The following LIN54 variants were observed in gnomAD, a reference collection of about 807,000 sequenced individuals.
LIN54 encodes the protein protein lin-54 homolog.
Under a neutral mutation model 78.7 loss-of-function variants are expected in LIN54, and 9 were observed. That is an observed-to-expected ratio of 0.11 (90% CI 0.07 to 0.20). The LOEUF is 0.20. Among genes scored for constraint, LIN54 ranks in the 10% least tolerant of loss-of-function variants. The pLI is 1.00. For missense variants in LIN54, 573 were observed against 889.9 expected, an observed-to-expected ratio of 0.64 and a Z score of 4.53; for synonymous variants, 269 against 318.4, an observed-to-expected ratio of 0.84 and a Z score of 1.65.
Position 82,945,051 on chromosome 4 carries a change from G to A in LIN54, c.1168+1207C>T, listed in dbSNP as rs540754955. Among the ~76,000 whole-genome samples, 7 of 152,128 alleles carry A rather than the reference G, an allele frequency of 4.6e-5. No homozygotes were observed. The East Asian group carries it at 1.4e-3, about 29-fold the overall frequency. ...TAATTTTTGTATTTTTAGTAGAGAC[G>A]GGGTTTCGCCATGTTGGCCAGACTG... is the stretch of plus-strand genomic sequence containing the variant. On this transcript the variant is annotated intron_variant, in intron 5 of 12. Coordinates refer to ENST00000340417, the MANE Select transcript of LIN54 (RefSeq NM_194282.4).
chr4:82,952,810 G>A (rs966286338), intron 4 of LIN54, among the ~76,000 whole-genome samples: 1 of 152,168 alleles, frequency 6.6e-6, no homozygotes, highest in African/African-American at 2.4e-5. Flanking sequence ...TGATGTATAT[G>A]CTATAACACC....
intron 4 of LIN54, among the ~76,000 whole-genome samples, chr4:82,954,510 C>G (rs1382769236): frequency 6.6e-6 from 1 of 151,954 alleles, no homozygotes; most frequent in Non-Finnish European, 1.5e-5. Flanking sequence ...CTCTGCCTCC[C>G]CAGTTCAGGT....
Position 82,928,649 on chromosome 4 carries a change from T to A in LIN54, c.2049-346A>T, listed in dbSNP as rs549535558. 2.3e-4 allele frequency among the ~76,000 whole-genome samples: 35 copies of A among 152,358 alleles called. 1 individual carries two copies. In the South Asian group the frequency reaches 6.8e-3, roughly 30 times the overall value. On this transcript the variant is annotated intron_variant, in intron 12 of 12. Coordinates refer to ENST00000340417, the MANE Select transcript of LIN54 (RefSeq NM_194282.4). ...AATCATGAATGTACGCTCTGTAAGTTCAATTCTTATTTACTGCTGTTGCTC... is the reference window on the plus strand; with the variant it reads ...AATCATGAATGTACGCTCTGTAAGTACAATTCTTATTTACTGCTGTTGCTC...
At chr4:83,012,517 C>T (rs1472280279), upstream of LIN54, among the ~76,000 whole-genome samples, 1 of 152,116 alleles carries the variant, frequency 6.6e-6, no homozygotes, top group Non-Finnish European at 1.5e-5. Context: ...AGGCGGCTGG[C>T]CGAGCGCTGG....
intron 4 of LIN54, among the ~76,000 whole-genome samples, chr4:82,955,710 A>G (rs1360354078): frequency 1.3e-5 from 2 of 151,386 alleles, no homozygotes; most frequent in African/African-American, 4.9e-5. Flanking sequence ...GCTTGAACTC[A>G]GGAGTTCAAG....
At chr4:82,961,241 A>C (rs1724766887) in intron 4 of LIN54, among the ~76,000 whole-genome samples, 1 of 152,212 alleles carries the variant, frequency 6.6e-6, no homozygotes, top group African/African-American at 2.4e-5. Context: ...GGATAGACAT[A>C]TATGATAATG....
intron 1 of LIN54, among the ~76,000 whole-genome samples, chr4:83,003,170 C>G (rs1330149499): frequency 6.6e-6 from 1 of 152,092 alleles, no homozygotes; most frequent in African/African-American, 2.4e-5. Flanking sequence ...TGTGCCACCA[C>G]GCTTGGCTTA....
At position 82,925,212 on chromosome 4, in the gene LIN54, A is replaced by G. The variant is rs1449154058; in HGVS notation, c.*2890T>C. The G allele has an allele frequency of 6.6e-6, 1 of 152,444 alleles. No individual in the cohort carries two copies. The highest frequency in any genetic ancestry group is 1.5e-5 in the Non-Finnish European group (1 of 68,002). The allele number at this position is 152,444 out of a possible 1,614,324, so 9.4% of individuals were successfully genotyped here. On this transcript the variant is annotated 3_prime_UTR_variant, in exon 13 of 13. Coordinates refer to ENST00000340417, the MANE Select transcript of LIN54 (RefSeq NM_194282.4). ...AAAAGACAGAGTAGATTGATTTTCT[A>G]GGTATTTTTGTTTTTGAGACAAGGT...
rs762881805 is a variant in LIN54, at chr4:82,939,622, G to A, written c.1357C>T (p.Leu453=). ...GGTGCCAGGACAGTGCCTGGTGGCA[G>A]GTTAGTGAGGTTGGGCTGGATCTGT... ...LPQIQPNLTN[L]PPGTVLAPAP... Residue 453 remains leucine, a synonymous_variant, in exon 7 of 13, where the codon CTG becomes TTG. Coordinates refer to ENST00000340417, the MANE Select transcript of LIN54 (RefSeq NM_194282.4). 7 of 1,614,108 alleles carry A rather than the reference G, an allele frequency of 4.3e-6. No individual in the cohort carries two copies. The East Asian group carries it at 1.3e-4, about 31-fold the overall frequency.
intron 1 of LIN54, among the ~76,000 whole-genome samples, chr4:83,001,893 A>G (rs1304601193): frequency 9.1e-3 from 10 of 1,096 alleles, no homozygotes; most frequent in Admixed American, 0.019. Flanking sequence ...GAAGGAAGGA[A>G]GGAGGGAGGG....
intron 9 of LIN54, 98 bp from the exon 10 acceptor site, chr4:82,936,479 A>G (rs1560719772): frequency 1.7e-6 from 1 of 600,744 alleles, no homozygotes; most frequent in Non-Finnish European, 2.9e-6. Flanking sequence ...CACATACTAC[A>G]TATGTGGTAA....
At chr4:83,000,789 CAAAGCCATG>C (rs1323041979) in intron 1 of LIN54, among the ~76,000 whole-genome samples, 2 of 148,834 alleles carry the variant, frequency 1.3e-5, no homozygotes, top group African/African-American at 5.0e-5. Context: ...TTGTTATAGA[CAAAGCCATG>C]AAAGCCATCA....
chr4:82,978,897 G>A lies in LIN54; in HGVS notation c.794C>T (p.Pro265Leu). ...AGAAATATAACCTGCAATAACTGGT[G>A]GTGAAACTTGAGTTGTCTGTCCTGT... ...AVTGQTTQVSPPVIAGRVLSQ... is the reference protein window; with the variant it reads ...AVTGQTTQVSLPVIAGRVLSQ... Residue 265 changes from proline (P) to leucine (L), a missense_variant, in exon 3 of 13, where the codon CCA becomes CTA. Transcript: ENST00000340417. The A allele has an allele frequency of 3.2e-6, 5 of 1,549,904 alleles. No individual in the cohort carries two copies. The highest frequency in any genetic ancestry group is 4.4e-6 in the Non-Finnish European group (5 of 1,128,320).
Position 82,924,757 on chromosome 4 carries a change from T to C in LIN54, c.*3345A>G, listed in dbSNP as rs1012500298. On this transcript the variant is annotated 3_prime_UTR_variant, in exon 13 of 13. Transcript: ENST00000340417. Reference sequence around the variant, plus strand: ...CTAACAAGAAAAGCCTGAAGTAATTTACATGATGAAAATAACTCCAATAGA... The same window carrying C: ...CTAACAAGAAAAGCCTGAAGTAATTCACATGATGAAAATAACTCCAATAGA... The C allele has an allele frequency of 1.3e-5, 2 of 152,222 alleles. No individual in the cohort carries two copies. The highest frequency in any genetic ancestry group is 4.8e-5 in the African/African-American group (2 of 41,448). The allele number at this position is 152,222 out of a possible 1,614,324, so 9.4% of individuals were successfully genotyped here.
At chr4:82,979,765 C>A (rs1244485282) in intron 2 of LIN54, among the ~76,000 whole-genome samples, 1 of 151,676 alleles carries the variant, frequency 6.6e-6, no homozygotes, top group Non-Finnish European at 1.5e-5. Flanking sequence ...TGGTGAAACC[C>A]TGTCTCTACA....
chr4:82,977,212 C>T (rs1213921514), intron 3 of LIN54, among the ~76,000 whole-genome samples: 1 of 152,118 alleles, frequency 6.6e-6, no homozygotes, highest in African/African-American at 2.4e-5. Flanking sequence ...CAGTAAAGAA[C>T]ATCCCATTAA....
At chr4:83,009,150 T>G (rs1483828755) in intron 1 of LIN54, among the ~76,000 whole-genome samples, 1 of 152,186 alleles carries the variant, frequency 6.6e-6, no homozygotes, top group East Asian at 1.9e-4. Flanking sequence ...CTTATTCTTC[T>G]AGTAAGTGAA....
upstream of LIN54, among the ~76,000 whole-genome samples, chr4:83,011,286 A>G (rs576249430): frequency 7.9e-4 from 121 of 152,284 alleles, no homozygotes; most frequent in African/African-American, 2.8e-3. Context: ...TGCATGTTCG[A>G]CCTTTGACAC....
chr4:82,928,915 T>C (rs1358603177), intron 12 of LIN54, among the ~76,000 whole-genome samples: 5 of 152,240 alleles, frequency 3.3e-5, no homozygotes, highest in Non-Finnish European at 5.9e-5. Context: ...ACCTGAGCTA[T>C]TGAGTATTAA....
Sources: allele counts gnomAD v4.1 joint callset (sites outside exome capture counted in the v4.1 genomes callset), GRCh38; gene constraint gnomAD v4.1.1; transcripts MANE v1.5; gene names NCBI Gene and HGNC (gene_info 2026-07-23, HGNC 2026-07-21).